WWOX: variants seen among roughly 807,000 people sequenced by gnomAD.
WWOX encodes WW domain-containing oxidoreductase.
In WWOX, 69 loss-of-function variants were observed where a neutral mutation model predicts 46.2. That is an observed-to-expected ratio of 1.49 (90% confidence interval 1.23 to 1.82). WWOX has a LOEUF of 1.82. Among genes scored for constraint, WWOX ranks in the 40% most tolerant of loss-of-function variants. The pLI, the probability that WWOX is intolerant of heterozygous loss-of-function variation, is 0.00. For synonymous variants in WWOX, 359 were observed against 202.6 expected, an observed-to-expected ratio of 1.77 and a Z score of -6.56; for missense variants, 919 against 542.6, an observed-to-expected ratio of 1.69 and a Z score of -6.89.
intron 5 of WWOX, chr16:78,238,186 G>C (rs1397513678): frequency 6.6e-6 from 1 of 151,190 alleles, no homozygotes; most frequent in South Asian, 2.1e-4. Context: ...AACCCAAAGA[G>C]ATCTGAAAAG....
intron 8 of WWOX, among the ~76,000 whole-genome samples, chr16:78,767,198 G>A (rs1264368506): frequency 1.3e-5 from 2 of 151,728 alleles, no homozygotes; most frequent in Non-Finnish European, 2.9e-5. Context: ...AAAGCTCACT[G>A]CAGCCTTGAC....
intron 8 of WWOX, among the ~76,000 whole-genome samples, chr16:78,920,219 A>G (rs563640193): frequency 6.6e-5 from 10 of 152,284 alleles, no homozygotes; most frequent in African/African-American, 2.2e-4. Flanking sequence ...AAGAGAAAAG[A>G]CAAGTTCTTA....
chr16:78,933,882 C>T (rs1400118087), intron 8 of WWOX, among the ~76,000 whole-genome samples: 1 of 151,188 alleles, frequency 6.6e-6, no homozygotes, highest in Non-Finnish European at 1.5e-5. Context: ...GGTGGGGACA[C>T]AGCTAAACCA....
intron 8 of WWOX, among the ~76,000 whole-genome samples, chr16:79,187,995 G>A (rs1108663): frequency 0.34 from 51,316 of 152,114 alleles, 9,329 homozygotes; most frequent in Middle Eastern, 0.42. Context: ...TCCCATGCAC[G>A]GGGAGTCAAG....
intron 8 of WWOX, among the ~76,000 whole-genome samples, chr16:78,480,557 G>A (rs2151445959): frequency 6.6e-6 from 1 of 152,316 alleles, no homozygotes; most frequent in East Asian, 1.9e-4. Flanking sequence ...TGGCAGAGTA[G>A]GGATTCCAGC....
chr16:78,724,508 T>C (rs1205895273), intron 8 of WWOX, among the ~76,000 whole-genome samples: 3 of 152,216 alleles, frequency 2.0e-5, no homozygotes, highest in African/African-American at 4.8e-5. Flanking sequence ...ACTGATATTA[T>C]TATAGTTCTT....
At chr16:79,124,424 G>T (rs557102058) in intron 8 of WWOX, among the ~76,000 whole-genome samples, 4 of 152,280 alleles carry the variant, frequency 2.6e-5, no homozygotes, top group South Asian at 4.2e-4. Flanking sequence ...ATACAACCGA[G>T]GTTCCTCATC....
intron 5 of WWOX, among the ~76,000 whole-genome samples, chr16:78,321,647 C>T (rs1770003428): frequency 6.6e-6 from 1 of 151,922 alleles, no homozygotes; most frequent in African/African-American, 2.4e-5. Context: ...CTGTCATTTT[C>T]TTGAGTGGTA....
At chr16:78,722,168 C>T (rs894911589) in intron 8 of WWOX, among the ~76,000 whole-genome samples, 2 of 152,190 alleles carry the variant, frequency 1.3e-5, no homozygotes, top group African/African-American at 2.4e-5. Context: ...GGCTCACTCC[C>T]TGTCTGTCCA....
intron 8 of WWOX, among the ~76,000 whole-genome samples, chr16:78,784,983 G>C (rs1238026005): frequency 6.6e-6 from 1 of 152,182 alleles, no homozygotes; most frequent in African/African-American, 2.4e-5. Flanking sequence ...GGCAGGAGCA[G>C]CCAGAGGAAC....
At chr16:78,914,398 G>A (rs1464545850) in intron 8 of WWOX, among the ~76,000 whole-genome samples, 2 of 152,102 alleles carry the variant, frequency 1.3e-5, no homozygotes, top group African/African-American at 2.4e-5. Flanking sequence ...GTGAGTGAAT[G>A]AGGGAGTGAA....
chr16:79,147,505 C>T lies in WWOX; in HGVS notation c.1057-64103C>T, dbSNP rs149037131. Among the ~76,000 whole-genome samples the T allele has an allele frequency of 8.4e-3, 1,280 of 152,226 alleles. 10 individuals are homozygous for T. Among genetic ancestry groups the T allele is most frequent in the Middle Eastern group, 0.02 (6 of 294 alleles). On this transcript the variant is annotated intron_variant, in intron 8 of 8. Transcript: ENST00000566780. ...GTGATCGTATGTTTAATCACTCTCC[C>T]GCTGAAGGAAATCTAGTCTTGGCTA... is the stretch of plus-strand genomic sequence containing the variant.
At chr16:78,904,346 C>G (rs1034972203) in intron 8 of WWOX, among the ~76,000 whole-genome samples, 3 of 147,364 alleles carry the variant, frequency 2.0e-5, no homozygotes, top group East Asian at 4.2e-4. Context: ...TCAAGCAATT[C>G]TCCTGCCTCA....
At chr16:78,417,363 G>C (rs915721501) in intron 6 of WWOX, among the ~76,000 whole-genome samples, 1 of 152,104 alleles carries the variant, frequency 6.6e-6, no homozygotes. Context: ...ACTGTGCTGA[G>C]ATTACAGGCA....
At chr16:78,948,789 G>A (rs1374982401) in intron 8 of WWOX, among the ~76,000 whole-genome samples, 2 of 152,150 alleles carry the variant, frequency 1.3e-5, no homozygotes, top group East Asian at 1.9e-4. Flanking sequence ...GGACCTTGCA[G>A]ATGTAATTAA....
chr16:78,711,665 C>A lies in WWOX; in HGVS notation c.1056+278913C>A, dbSNP rs143465060. On this transcript the variant is annotated intron_variant, in intron 8 of 8. Transcript: ENST00000566780. ...GATAAATGTATTTGAGACGAACAGGCCAAATGAAAGAACCTTCCATAAGGG... is the reference window on the plus strand; with the variant it reads ...GATAAATGTATTTGAGACGAACAGGACAAATGAAAGAACCTTCCATAAGGG... Among the ~76,000 whole-genome samples, 68 of 152,180 alleles carry A rather than the reference C, an allele frequency of 4.5e-4. No individual in the cohort carries two copies. In the South Asian group the frequency reaches 7.5e-3, roughly 17 times the overall value.
intron 8 of WWOX, chr16:78,691,158 T>C (rs1235068730): frequency 1.5e-6 from 1 of 686,736 alleles, no homozygotes; most frequent in Non-Finnish European, 2.6e-6. Context: ...GCACAGTATT[T>C]CCCCCAGTGT....
intron 8 of WWOX, among the ~76,000 whole-genome samples, chr16:78,595,333 G>A (rs1332820245): frequency 6.6e-6 from 1 of 151,674 alleles, no homozygotes; most frequent in Non-Finnish European, 1.5e-5. Flanking sequence ...CAAAGCCTGT[G>A]TTTTTCTTGC....
intron 8 of WWOX, among the ~76,000 whole-genome samples, chr16:78,440,624 T>C (rs5025551): frequency 0.016 from 2,357 of 150,200 alleles, 64 homozygotes; most frequent in African/African-American, 0.055. Flanking sequence ...TTTTTTTTTT[T>C]CTTTTTTTTT....
Sources: gnomAD v4.1 joint callset for allele counts (sites outside exome capture counted in the v4.1 genomes callset) on GRCh38, gnomAD v4.1.1 for gene constraint, MANE v1.5 for transcripts, NCBI Gene and HGNC (gene_info 2026-07-23, HGNC 2026-07-21) for gene names.